MEIKIN: variants seen among roughly 807,000 people sequenced by gnomAD.
The protein encoded by MEIKIN is meiosis-specific kinetochore protein.
At chr5:131,874,277 G>C (rs1157914566) in intron 9 of MEIKIN, among the ~76,000 whole-genome samples, 5 of 151,890 alleles carry the variant, frequency 3.3e-5, no homozygotes, top group Non-Finnish European at 7.4e-5. Flanking sequence ...AAAGAGAGAA[G>C]AATCAAATAG....
At chr5:131,844,715 A>T (rs564829004) in intron 11 of MEIKIN, among the ~76,000 whole-genome samples, 1 of 152,302 alleles carries the variant, frequency 6.6e-6, no homozygotes, top group East Asian at 1.9e-4. Context: ...CTTACACAAT[A>T]TTGGGAACAG....
chr5:131,811,996 A>ACAT (rs574148176), intron 12 of MEIKIN, among the ~76,000 whole-genome samples: 1 of 152,212 alleles, frequency 6.6e-6, no homozygotes, highest in Non-Finnish European at 1.5e-5. Flanking sequence ...AACAGCACTG[A>ACAT]CATAAGGAAA....
chr5:131,844,835 A>T (rs1749981697), intron 11 of MEIKIN, among the ~76,000 whole-genome samples: 1 of 152,186 alleles, frequency 6.6e-6, no homozygotes, highest in Non-Finnish European at 1.5e-5. Context: ...TGCATATACA[A>T]GGAAAGCTAG....
At chr5:131,875,113 G>A (rs1031921849) in intron 9 of MEIKIN, among the ~76,000 whole-genome samples, 13 of 152,222 alleles carry the variant, frequency 8.5e-5, no homozygotes, top group Admixed American at 4.6e-4. Flanking sequence ...TTACCACTCC[G>A]ATTCAACATA....
intron 9 of MEIKIN, among the ~76,000 whole-genome samples, chr5:131,867,180 T>C (rs1216374323): frequency 6.6e-6 from 1 of 152,156 alleles, no homozygotes; most frequent in African/African-American, 2.4e-5. Context: ...GATTCCAAAT[T>C]CAACTGACTT....
At chr5:131,820,343 T>C (rs1749473870) in intron 11 of MEIKIN, among the ~76,000 whole-genome samples, 1 of 152,160 alleles carries the variant, frequency 6.6e-6, no homozygotes, top group African/African-American at 2.4e-5. Context: ...TGCCTCAGCC[T>C]CCCAAAGTGC....
At position 131,903,224 on chromosome 5, in the gene MEIKIN, A is replaced by G. The variant is rs76009805; in HGVS notation, c.703+8591T>C. ...AAAGAAACCAAGCAACTTGGAAAACATTTCAAGATATCATCCATGAAAATT... is the reference window on the plus strand; with the variant it reads ...AAAGAAACCAAGCAACTTGGAAAACGTTTCAAGATATCATCCATGAAAATT... On this transcript the variant is annotated intron_variant, in intron 8 of 12. Transcript: ENST00000442687. Among the ~76,000 whole-genome samples the G allele has an allele frequency of 4.7e-3, 711 of 152,318 alleles. 8 individuals are homozygous for G. Among genetic ancestry groups the G allele is most frequent in the African/African-American group, 0.016 (675 of 41,576 alleles).
At chr5:131,855,949 C>A (rs944815298) in intron 9 of MEIKIN, among the ~76,000 whole-genome samples, 3 of 152,192 alleles carry the variant, frequency 2.0e-5, no homozygotes, top group Non-Finnish European at 2.9e-5. Context: ...CATGAAGCAA[C>A]CATATCCTTC....
At chr5:131,867,514 T>C (rs1750403443) in intron 9 of MEIKIN, among the ~76,000 whole-genome samples, 1 of 152,216 alleles carries the variant, frequency 6.6e-6, no homozygotes, top group Non-Finnish European at 1.5e-5. Context: ...AAAATTCCTC[T>C]GTAATCTGCC....
intron 11 of MEIKIN, among the ~76,000 whole-genome samples, chr5:131,846,848 C>T (rs1481804868): frequency 6.7e-6 from 1 of 149,550 alleles, no homozygotes. Flanking sequence ...TGTTTTAAGG[C>T]ACATGATGTA....
intron 8 of MEIKIN, among the ~76,000 whole-genome samples, chr5:131,886,954 C>A (rs1312365973): frequency 2.0e-5 from 2 of 100,020 alleles, no homozygotes; most frequent in East Asian, 3.9e-4. Flanking sequence ...CCTCCCCCCT[C>A]CCCCCACCCT....
intron 8 of MEIKIN, among the ~76,000 whole-genome samples, chr5:131,900,149 A>G (rs912570356): frequency 2.0e-5 from 3 of 152,226 alleles, no homozygotes; most frequent in African/African-American, 4.8e-5. Flanking sequence ...TCTGACCACA[A>G]TGAAATAAAA....
At chr5:131,919,457 A>G (rs1035226817) in intron 6 of MEIKIN, among the ~76,000 whole-genome samples, 4 of 152,194 alleles carry the variant, frequency 2.6e-5, no homozygotes, top group African/African-American at 7.2e-5. Flanking sequence ...TGATGGTGGC[A>G]AAATACTGGG....
At chr5:131,894,277 T>G (rs1490494627) in intron 8 of MEIKIN, among the ~76,000 whole-genome samples, 1 of 152,248 alleles carries the variant, frequency 6.6e-6, no homozygotes, top group Non-Finnish European at 1.5e-5. Context: ...TTGGTACCAG[T>G]ACCACACTGT....
chr5:131,845,272 T>TAAAAAAAAAAAAAAAAAAAAAAAAAAAA (rs1158220526), intron 11 of MEIKIN, among the ~76,000 whole-genome samples: 2 of 45,360 alleles, frequency 4.4e-5, no homozygotes, highest in Admixed American at 2.9e-4. Flanking sequence ...GACTTCGTCT[T>TAAAAAAAAAAAAAAAAAAAAAAAAAAAA]AAAAAAAAAA....
chr5:131,811,953 G>C (rs1184709010), intron 12 of MEIKIN, among the ~76,000 whole-genome samples: 2 of 152,200 alleles, frequency 1.3e-5, no homozygotes, highest in Non-Finnish European at 2.9e-5. Flanking sequence ...TGTACAGCTT[G>C]ATAGGTTTTC....
intron 7 of MEIKIN, among the ~76,000 whole-genome samples, chr5:131,912,432 C>T (rs1056946377): frequency 6.6e-6 from 1 of 151,640 alleles, no homozygotes; most frequent in Non-Finnish European, 1.5e-5. Flanking sequence ...CTAGACAACC[C>T]CCAGTTCTAT....
intron 9 of MEIKIN, among the ~76,000 whole-genome samples, chr5:131,858,396 T>A (rs926918271): frequency 2.0e-5 from 3 of 152,208 alleles, no homozygotes; most frequent in Non-Finnish European, 4.4e-5. Context: ...TTCAGAAGAC[T>A]GAAACTGAAC....
chr5:131,943,340 C>T (rs778618459), intron 3 of MEIKIN, among the ~76,000 whole-genome samples: 26 of 152,084 alleles, frequency 1.7e-4, no homozygotes, highest in Non-Finnish European at 3.1e-4. Flanking sequence ...GATTTATCAA[C>T]ATGAATAAAA....
Sources: allele counts gnomAD v4.1 joint callset (sites outside exome capture counted in the v4.1 genomes callset), GRCh38; gene constraint gnomAD v4.1.1; transcripts MANE v1.5; gene names NCBI Gene and HGNC (gene_info 2026-07-23, HGNC 2026-07-21).